UNC5B: variants seen among roughly 807,000 people sequenced by gnomAD.
UNC5B encodes the protein unc-5 netrin receptor B.
UNC5B carries 56 observed loss-of-function variants against 103.7 expected under a neutral mutation model. That is an observed-to-expected ratio of 0.54 (90% CI 0.44 to 0.67). The LOEUF is 0.67. Among genes scored for constraint, UNC5B ranks in the 30% least tolerant of loss-of-function variants. The probability of loss-of-function intolerance (pLI) is 0.00; values close to 1 mark genes in which losing one functional copy is unlikely to be tolerated. For synonymous variants in UNC5B, 577 were observed against 542.0 expected (o/e 1.06, Z -0.90); for missense variants, 1,194 against 1,284.5 (o/e 0.93, Z 1.08).
intron 1 of UNC5B, among the ~76,000 whole-genome samples, chr10:71,223,402 G>T (rs779401937): frequency 3.9e-5 from 6 of 152,064 alleles, no homozygotes; most frequent in Non-Finnish European, 8.8e-5. Flanking sequence ...TCATTCCTTT[G>T]CTTCCAGCCT....
chr10:71,299,284 T>A lies in UNC5B; in HGVS notation c.*7T>A. ...CACCGACGGGGACTGCTGAGCCTCC[T>A]GGGACAGCGGGCTGGCAGGGACTGG... On this transcript the variant is annotated 3_prime_UTR_variant, in exon 17 of 17. Coordinates refer to ENST00000335350, the MANE Select transcript of UNC5B (RefSeq NM_170744.5). The A allele has an allele frequency of 6.2e-7, 1 of 1,613,604 alleles. No individual in the cohort carries two copies. Among genetic ancestry groups the A allele is most frequent in the Non-Finnish European group, 8.5e-7 (1 of 1,179,918 alleles).
At chr10:71,219,549 G>A (rs1189320167) in intron 1 of UNC5B, among the ~76,000 whole-genome samples, 1 of 152,110 alleles carries the variant, frequency 6.6e-6, no homozygotes, top group Non-Finnish European at 1.5e-5. Flanking sequence ...CCAGATTAAG[G>A]GTGGGCCTGC....
rs146911235 is a variant in UNC5B at position 71,299,578 on chromosome 10, G to T, written c.*301G>T. 1,231 of 292,750 alleles carry T rather than the reference G, an allele frequency of 4.2e-3. 9 individuals are homozygous for T. Among genetic ancestry groups the T allele is most frequent in the Non-Finnish European group, 6.5e-3 (1,020 of 156,492 alleles). 18.1% of individuals were successfully genotyped at this position (292,750 alleles called of 1,614,324 possible). The stretch of plus-strand genomic sequence containing the variant: ...GAGGCAGTTGGTTGGGGGCGGGCAG[G>T]CAGGAGGCCCTCCCTCCACCCCCCC... On this transcript the variant is annotated 3_prime_UTR_variant, in exon 17 of 17. Transcript: ENST00000335350.
intron 1 of UNC5B, among the ~76,000 whole-genome samples, chr10:71,263,616 C>T (rs776814618): frequency 6.6e-6 from 1 of 152,180 alleles, no homozygotes; most frequent in Non-Finnish European, 1.5e-5. Flanking sequence ...ACACGGAGTG[C>T]GGCAGTGACA....
intron 1 of UNC5B, among the ~76,000 whole-genome samples, chr10:71,253,662 G>T (rs1844226473): frequency 6.6e-6 from 1 of 152,188 alleles, no homozygotes; most frequent in Non-Finnish European, 1.5e-5. Flanking sequence ...CATTTCCAGG[G>T]TGTCAGAAGC....
chr10:71,275,912 A>C (rs1376504427), intron 1 of UNC5B, among the ~76,000 whole-genome samples: 1 of 152,088 alleles, frequency 6.6e-6, no homozygotes, highest in African/African-American at 2.4e-5. Flanking sequence ...ATCTTTGCAA[A>C]GCTGGGATTG....
At chr10:71,270,847 A>G (rs1227468314) in intron 1 of UNC5B, among the ~76,000 whole-genome samples, 78 of 152,180 alleles carry the variant, frequency 5.1e-4, no homozygotes, top group Admixed American at 5.1e-3. Flanking sequence ...ATAAAATAGC[A>G]GGTCTGAGTC....
At chr10:71,248,820 C>A (rs186970141) in intron 1 of UNC5B, among the ~76,000 whole-genome samples, 78 of 151,624 alleles carry the variant, frequency 5.1e-4, no homozygotes, top group African/African-American at 1.8e-3. Context: ...CACACTGAAG[C>A]AGTGGGTACA....
At chr10:71,285,511 G>C in intron 4 of UNC5B, 82 bp downstream of exon 4, 1 of 1,256,768 alleles carries the variant, frequency 8.0e-7, no homozygotes, top group Non-Finnish European at 1.1e-6. Flanking sequence ...TTTACCACCA[G>C]CCATGGTGCT....
intron 1 of UNC5B, among the ~76,000 whole-genome samples, chr10:71,276,943 GCA>G (rs1279841849): frequency 6.6e-6 from 1 of 152,220 alleles, no homozygotes; most frequent in African/African-American, 2.4e-5. Flanking sequence ...CAACAGAGAG[GCA>G]CAGAGGGGAC....
chr10:71,247,440 T>C (rs1366110050), intron 1 of UNC5B, among the ~76,000 whole-genome samples: 9 of 152,168 alleles, frequency 5.9e-5, no homozygotes, highest in East Asian at 1.9e-4. Flanking sequence ...CTGGCTAACA[T>C]GCGGAGAGGA....
In UNC5B at chr10:71,256,613, G is replaced by C. The variant is rs150341291; in HGVS notation, c.80-23208G>C. On this transcript the variant is annotated intron_variant, in intron 1 of 16. Transcript: ENST00000335350. ...CCAGGTGGGGACTCGGGCGTGCAGAGGGTGGCACTTCCTGGCAGCCCAGTC... is the reference window on the plus strand; with the variant it reads ...CCAGGTGGGGACTCGGGCGTGCAGACGGTGGCACTTCCTGGCAGCCCAGTC... Among the ~76,000 whole-genome samples, 332 of 152,334 alleles carry C rather than the reference G, an allele frequency of 2.2e-3. 3 individuals carry two copies. Among genetic ancestry groups the C allele is most frequent in the African/African-American group, 7.3e-3 (305 of 41,580 alleles).
At chr10:71,274,364 A>T (rs180893404) in intron 1 of UNC5B, among the ~76,000 whole-genome samples, 179 of 151,606 alleles carry the variant, frequency 1.2e-3, no homozygotes, top group African/African-American at 3.3e-3. Flanking sequence ...GTCTCAAAAA[A>T]AAAAAAAAAT....
intron 1 of UNC5B, among the ~76,000 whole-genome samples, chr10:71,232,005 A>G (rs1843693170): frequency 6.6e-6 from 1 of 152,210 alleles, no homozygotes; most frequent in Admixed American, 6.5e-5. Context: ...AAAGCCCTGC[A>G]AGGTTAAGCC....
At chr10:71,270,834 C>T (rs118004367) in intron 1 of UNC5B, among the ~76,000 whole-genome samples, 2 of 152,244 alleles carry the variant, frequency 1.3e-5, no homozygotes, top group East Asian at 1.9e-4. Context: ...GGAGAGGTGA[C>T]CTATAAAATA....
chr10:71,287,686 C>A lies in UNC5B; in HGVS notation c.822C>A (p.Thr274=). 1.2e-6 allele frequency: 2 copies of A among 1,613,216 alleles called. No individual in the cohort carries two copies. Among genetic ancestry groups the A allele is most frequent in the Non-Finnish European group, 1.7e-6 (2 of 1,179,590 alleles). Residue 274 remains threonine, a synonymous_variant, in exon 6 of 17, where the codon ACC becomes ACA. Transcript: ENST00000335350. ...GGCAGAAGCGCACCCGGACCTGCAC[C>A]AACCCCGCTCCACTCAACGGAGGGG... ...RGWQKRTRTC[T]NPAPLNGGAF... is the part of the protein sequence containing the mutation.
intron 14 of UNC5B, 47 bp from the exon 15 acceptor site, chr10:71,296,530 AG>A (rs751547151): frequency 1.9e-5 from 31 of 1,599,330 alleles, no homozygotes; most frequent in Non-Finnish European, 2.3e-5. Flanking sequence ...CTATGAGGAC[AG>A]GGCAGGCTGG....
At chr10:71,245,040 G>A (rs924704106) in intron 1 of UNC5B, among the ~76,000 whole-genome samples, 1 of 152,178 alleles carries the variant, frequency 6.6e-6, no homozygotes, top group Non-Finnish European at 1.5e-5. Flanking sequence ...TCAAAACCTC[G>A]TTCCCACGAG....
intron 2 of UNC5B, among the ~76,000 whole-genome samples, chr10:71,280,915 G>C (rs1214361681): frequency 6.6e-6 from 1 of 152,140 alleles, no homozygotes; most frequent in South Asian, 2.1e-4. Context: ...AGCCTTCCTG[G>C]GTTTTGTTTT....
Sources: allele counts gnomAD v4.1 joint callset (sites outside exome capture counted in the v4.1 genomes callset), GRCh38; gene constraint gnomAD v4.1.1; transcripts MANE v1.5; gene names NCBI Gene and HGNC (gene_info 2026-07-23, HGNC 2026-07-21).